The following RYR2 variants were observed in gnomAD, a reference collection of about 807,000 sequenced individuals.
RYR2 encodes ryanodine receptor 2, also known as cardiac muscle ryanodine receptor-calcium release channel.
A neutral mutation model predicts 601.1 loss-of-function variants in RYR2; 227 were observed. That is an observed-to-expected ratio of 0.38 (90% CI 0.34 to 0.42). The LOEUF is 0.42. Ranked by LOEUF, RYR2 falls within the 10% of genes least tolerant of loss-of-function variation. The probability of loss-of-function intolerance (pLI) is 1.00; values close to 1 mark genes in which losing one functional copy is unlikely to be tolerated. For synonymous variants in RYR2, 2,223 were observed against 2,175.1 expected (o/e 1.02, Z -0.61); for missense variants, 4,646 against 6,156.5 (o/e 0.75, Z 8.21).
At position 237,163,518 on chromosome 1, in the gene RYR2, A is replaced by G. The variant is rs566434034; in HGVS notation, c.49-106979A>G. 1.7e-4 allele frequency among the ~76,000 whole-genome samples: 26 copies of G among 152,232 alleles called. No individual in the cohort carries two copies. The South Asian group carries it at 5.0e-3, about 29-fold the overall frequency. On this transcript the variant is annotated intron_variant, in intron 1 of 104. Transcript: ENST00000366574. ...GTTTTATTTTTGTTTATTTGGATGC[A>G]CACATCTGGGCGTACATCTCATTAG...
At chr1:237,082,978 G>T (rs1051012797) in intron 1 of RYR2, among the ~76,000 whole-genome samples, 24 of 152,096 alleles carry the variant, frequency 1.6e-4, no homozygotes, top group African/African-American at 5.6e-4. Flanking sequence ...TTTACTTTCT[G>T]TAAGCCCTTG....
chr1:237,413,348 CT>C (rs1704625915), intron 10 of RYR2, among the ~76,000 whole-genome samples: 1 of 152,090 alleles, frequency 6.6e-6, no homozygotes, highest in African/African-American at 2.4e-5. Context: ...TTCAACTTTC[CT>C]TTTGACTTTA....
intron 12 of RYR2, among the ~76,000 whole-genome samples, chr1:237,427,782 CAAAAAAAAAA>C (rs57614793): frequency 2.1e-4 from 12 of 56,212 alleles, no homozygotes; most frequent in East Asian, 1.1e-3. Context: ...GACTCTGCCT[CAAAAAAAAAA>C]AAAAAAAAAA....
intron 2 of RYR2, among the ~76,000 whole-genome samples, chr1:237,321,067 T>C (rs1695586123): frequency 6.6e-6 from 1 of 151,826 alleles, no homozygotes; most frequent in South Asian, 2.1e-4. Flanking sequence ...TGGAAGGCAG[T>C]CTGGTATGAG....
In RYR2 at chr1:237,345,550, C is replaced by T. The variant is rs190854340; in HGVS notation, c.274-10415C>T. On this transcript the variant is annotated intron_variant, in intron 3 of 104. Transcript: ENST00000366574. ...TGAACAAATTCAGAAAACACTGAAA[C>T]AGTATTACATGAGCTGGAATTTATT... Among the ~76,000 whole-genome samples, 355 of 151,656 alleles carry T rather than the reference C, an allele frequency of 2.3e-3. 1 individual carries two copies. The highest frequency in any genetic ancestry group is 3.9e-3 in the Non-Finnish European group (262 of 67,882).
At chr1:237,730,382 T>A in intron 77 of RYR2, 26 bp downstream of exon 77, 1 of 1,235,786 alleles carries the variant, frequency 8.1e-7, no homozygotes, top group Non-Finnish European at 1.2e-6. Context: ...GGCTCTAAGA[T>A]GAAAGAGGGT....
chr1:237,487,053 T>A (rs975475220), intron 17 of RYR2, among the ~76,000 whole-genome samples: 1 of 152,170 alleles, frequency 6.6e-6, no homozygotes, highest in African/African-American at 2.4e-5. Context: ...TTAAGTAATT[T>A]GTAGTATATT....
At chr1:237,562,090 T>G (rs894920890) in intron 27 of RYR2, among the ~76,000 whole-genome samples, 6 of 152,208 alleles carry the variant, frequency 3.9e-5, no homozygotes, top group African/African-American at 1.2e-4. Context: ...TATAATTTAT[T>G]TTCTCTTAGG....
intron 104 of RYR2, among the ~76,000 whole-genome samples, chr1:237,832,155 C>T (rs12036292): frequency 0.56 from 84,881 of 151,704 alleles, 24,373 homozygotes; most frequent in African/African-American, 0.69. Context: ...CCTCCTGTTT[C>T]AGCCCCACAA....
chr1:237,757,797 A>T, intron 82 of RYR2, 21 bp downstream of exon 82: 1 of 1,468,462 alleles, frequency 6.8e-7, no homozygotes, highest in Non-Finnish European at 9.5e-7. Context: ...CCAGTCATTC[A>T]TATAATGTAC....
At chr1:237,725,445 A>G (rs1216982092) in intron 74 of RYR2, among the ~76,000 whole-genome samples, 1 of 151,964 alleles carries the variant, frequency 6.6e-6, no homozygotes, top group East Asian at 1.9e-4. Flanking sequence ...CAGTAGGTGG[A>G]CAGGAAACAC....
intron 10 of RYR2, among the ~76,000 whole-genome samples, chr1:237,396,322 A>C (rs1211941640): frequency 6.6e-6 from 1 of 152,154 alleles, no homozygotes; most frequent in Non-Finnish European, 1.5e-5. Context: ...CAAGTGAGTA[A>C]CTCTACATAC....
chr1:237,496,239 A>C (rs1316807501), intron 19 of RYR2, among the ~76,000 whole-genome samples: 1 of 152,120 alleles, frequency 6.6e-6, no homozygotes, highest in African/African-American at 2.4e-5. Flanking sequence ...TCTCATCTCT[A>C]CTAAAAATAA....
At chr1:237,619,715 A>G (rs1475514711) in intron 38 of RYR2, among the ~76,000 whole-genome samples, 1 of 152,152 alleles carries the variant, frequency 6.6e-6, no homozygotes, top group Non-Finnish European at 1.5e-5. Flanking sequence ...TCTTTAAAGA[A>G]ATGACACTAC....
chr1:237,682,043 C>G lies in RYR2; in HGVS notation c.9017+1466C>G, dbSNP rs920468773. On this transcript the variant is annotated intron_variant, in intron 62 of 104. Coordinates refer to ENST00000366574, the MANE Select transcript of RYR2 (RefSeq NM_001035.3). ...AAATTCAAATAAATCAATGCAAATTCTGCTATTTTCCTCCTCTCCTGTCTT... is the reference window on the plus strand; with the variant it reads ...AAATTCAAATAAATCAATGCAAATTGTGCTATTTTCCTCCTCTCCTGTCTT... Among the ~76,000 whole-genome samples, 3 of 152,162 alleles carry G rather than the reference C, an allele frequency of 2.0e-5. 1 individual carries two copies. The South Asian group carries it at 6.2e-4, about 32-fold the overall frequency.
intron 25 of RYR2, among the ~76,000 whole-genome samples, chr1:237,537,037 A>G (rs1399804753): frequency 6.6e-6 from 1 of 152,210 alleles, no homozygotes; most frequent in Non-Finnish European, 1.5e-5. Context: ...CTTCAGTACT[A>G]ATCAAGGAAA....
intron 17 of RYR2, among the ~76,000 whole-genome samples, chr1:237,472,423 G>T (rs776355739): frequency 2.6e-5 from 4 of 152,058 alleles, no homozygotes; most frequent in Non-Finnish European, 5.9e-5. Context: ...CCAGTGCCTT[G>T]GTTGTTTTGG....
chr1:237,350,602 A>AATATATATATATAT (rs1177777241), intron 3 of RYR2, among the ~76,000 whole-genome samples: 18 of 36,998 alleles, frequency 4.9e-4, no homozygotes, highest in African/African-American at 1.7e-3. Context: ...AAAAAAAAAA[A>AATATATATATATAT]ATATATATAT....
chr1:237,722,925 G>A lies in RYR2; in HGVS notation c.10555-203G>A, dbSNP rs185502238. Among the ~76,000 whole-genome samples the A allele has an allele frequency of 2.9e-3, 440 of 152,242 alleles. 4 individuals are homozygous for A. Among genetic ancestry groups the A allele is most frequent in the Admixed American group, 0.025 (387 of 15,282 alleles). On this transcript the variant is annotated intron_variant, in intron 73 of 104. Coordinates refer to ENST00000366574, the MANE Select transcript of RYR2 (RefSeq NM_001035.3). ...CAGCAAATTTCCAGTATGAATTGCAGCATTATTAACTGTAATCACCATGCT... is the reference window on the plus strand; with the variant it reads ...CAGCAAATTTCCAGTATGAATTGCAACATTATTAACTGTAATCACCATGCT...
Sources: allele counts gnomAD v4.1 joint callset (sites outside exome capture counted in the v4.1 genomes callset), GRCh38; gene constraint gnomAD v4.1.1; transcripts MANE v1.5; gene names NCBI Gene and HGNC (gene_info 2026-07-23, HGNC 2026-07-21).